CSMD3: variants seen among roughly 807,000 people sequenced by gnomAD.
CSMD3 encodes the protein CUB and sushi domain-containing protein 3.
CSMD3 carries 177 observed loss-of-function variants against 435.2 expected under a neutral mutation model. The observed-to-expected ratio is 0.41, with a 90% CI of 0.36 to 0.46. The LOEUF (loss-of-function observed/expected upper bound fraction) is 0.46, where lower values mean the gene tolerates loss of function less well. Among genes scored for constraint, CSMD3 ranks in the 20% least tolerant of loss-of-function variants. CSMD3 has a pLI of 0.34. For missense variants in CSMD3, 4,265 were observed against 4,504.6 expected, an observed-to-expected ratio of 0.95 and a Z score of 1.52; for synonymous variants, 1,656 against 1,520.5, an observed-to-expected ratio of 1.09 and a Z score of -2.07.
chr8:112,634,174 A>C (rs527540052), intron 22 of CSMD3, among the ~76,000 whole-genome samples: 10 of 152,128 alleles, frequency 6.6e-5, no homozygotes, highest in Admixed American at 5.3e-4. Context: ...ACATTCCTAA[A>C]AGTGGACATC....
intron 5 of CSMD3, among the ~76,000 whole-genome samples, chr8:113,085,899 T>C (rs2089749390): frequency 6.6e-6 from 1 of 152,116 alleles, no homozygotes; most frequent in Non-Finnish European, 1.5e-5. Flanking sequence ...ATTCATTGTG[T>C]CTGTTCAAAA....
At chr8:113,432,025 T>A (rs1259851647) in intron 1 of CSMD3, among the ~76,000 whole-genome samples, 1 of 152,220 alleles carries the variant, frequency 6.6e-6, no homozygotes, top group Non-Finnish European at 1.5e-5. Context: ...GTAATTCTAC[T>A]CTTTTTCTCC....
At chr8:113,236,361 C>G (rs777772227) in intron 3 of CSMD3, among the ~76,000 whole-genome samples, 2 of 152,192 alleles carry the variant, frequency 1.3e-5, no homozygotes, top group African/African-American at 2.4e-5. Flanking sequence ...CAGTAAACTT[C>G]TTTGCTTACT....
intron 3 of CSMD3, among the ~76,000 whole-genome samples, chr8:113,201,933 T>C (rs969108406): frequency 6.6e-6 from 1 of 152,088 alleles, no homozygotes; most frequent in African/African-American, 2.4e-5. Flanking sequence ...ATAGATGTTT[T>C]GGTATTACAC....
intron 38 of CSMD3, among the ~76,000 whole-genome samples, chr8:112,370,082 A>ACGAAGAAGT (rs1828230176): frequency 9.7e-6 from 1 of 103,454 alleles, no homozygotes; most frequent in African/African-American, 3.7e-5. Context: ...GAAGAAGAAG[A>ACGAAGAAGT]AGTAGTAGTA....
chr8:113,361,524 TA>T (rs1164165609), intron 1 of CSMD3, among the ~76,000 whole-genome samples: 1 of 152,140 alleles, frequency 6.6e-6, no homozygotes, highest in Non-Finnish European at 1.5e-5. Flanking sequence ...ATTTGACATA[TA>T]AAACTCACTT....
At chr8:112,375,340 G>A (rs1041499937) in intron 38 of CSMD3, among the ~76,000 whole-genome samples, 1 of 151,996 alleles carries the variant, frequency 6.6e-6, no homozygotes, top group Non-Finnish European at 1.5e-5. Flanking sequence ...CTTCACATAG[G>A]CACTCAACAT....
intron 13 of CSMD3, among the ~76,000 whole-genome samples, chr8:112,713,832 T>G (rs949447336): frequency 6.6e-6 from 1 of 152,042 alleles, no homozygotes; most frequent in African/African-American, 2.4e-5. Context: ...CTAAGCTTCA[T>G]AAGGGAAGGA....
intron 27 of CSMD3, among the ~76,000 whole-genome samples, chr8:112,526,018 C>G (rs1294911301): frequency 1.3e-5 from 2 of 149,182 alleles, no homozygotes; most frequent in Admixed American, 6.7e-5. Flanking sequence ...AACTTTCATT[C>G]TTCTAAAGAA....
At chr8:113,298,840 G>A (rs2093741587) in intron 2 of CSMD3, among the ~76,000 whole-genome samples, 1 of 152,096 alleles carries the variant, frequency 6.6e-6, no homozygotes, top group African/African-American at 2.4e-5. Context: ...GAACAGGAAG[G>A]TAAGAAGGAG....
chr8:112,366,149 T>C (rs1003169516), intron 38 of CSMD3, among the ~76,000 whole-genome samples: 1 of 152,156 alleles, frequency 6.6e-6, no homozygotes, highest in Admixed American at 6.5e-5. Context: ...AAAAACAGAC[T>C]GGTCAAGAGC....
At chr8:112,253,905 T>G (rs181140373) in intron 63 of CSMD3, among the ~76,000 whole-genome samples, 1 of 152,002 alleles carries the variant, frequency 6.6e-6, no homozygotes, top group African/African-American at 2.4e-5. Flanking sequence ...TTATCTTTAC[T>G]TTTCTTCACT....
intron 22 of CSMD3, among the ~76,000 whole-genome samples, chr8:112,601,254 T>G (rs1401726609): frequency 6.6e-6 from 1 of 152,140 alleles, no homozygotes; most frequent in Non-Finnish European, 1.5e-5. Context: ...AGTTGTGAAG[T>G]GCTTACTATT....
At chr8:112,306,482 A>G (rs563217499) in intron 50 of CSMD3, among the ~76,000 whole-genome samples, 1 of 152,280 alleles carries the variant, frequency 6.6e-6, no homozygotes, top group South Asian at 2.1e-4. Flanking sequence ...CAGCATTTGT[A>G]TGGATTATAT....
At chr8:112,410,046 A>G (rs1407717527) in intron 32 of CSMD3, among the ~76,000 whole-genome samples, 1 of 151,930 alleles carries the variant, frequency 6.6e-6, no homozygotes, top group Middle Eastern at 3.2e-3. Context: ...TGCTGATTCA[A>G]ATTGTATACC....
At chr8:112,945,542 A>G (rs1376828097) in intron 9 of CSMD3, among the ~76,000 whole-genome samples, 2 of 150,738 alleles carry the variant, frequency 1.3e-5, no homozygotes, top group Non-Finnish European at 3.0e-5. Flanking sequence ...TTACCCTAAA[A>G]GTGTGTAGGT....
chr8:112,273,277 A>G (rs570476160), intron 59 of CSMD3, among the ~76,000 whole-genome samples: 1 of 134,192 alleles, frequency 7.5e-6, no homozygotes, highest in Non-Finnish European at 1.6e-5. Context: ...ATTGTTATTC[A>G]TTGTAAAAAA....
At chr8:112,752,441 C>A (rs530363135) in intron 13 of CSMD3, among the ~76,000 whole-genome samples, 1 of 152,222 alleles carries the variant, frequency 6.6e-6, no homozygotes, top group South Asian at 2.1e-4. Context: ...CTCATGTATC[C>A]AACTGATCAG....
At chr8:112,922,514 C>T (rs1325604246) in intron 9 of CSMD3, among the ~76,000 whole-genome samples, 2 of 151,754 alleles carry the variant, frequency 1.3e-5, no homozygotes, top group African/African-American at 2.4e-5. Flanking sequence ...CCCTCCTAGC[C>T]GCCCCCACAT....
Sources: gnomAD v4.1 joint callset for allele counts (sites outside exome capture counted in the v4.1 genomes callset) on GRCh38, gnomAD v4.1.1 for gene constraint, MANE v1.5 for transcripts, NCBI Gene and HGNC (gene_info 2026-07-23, HGNC 2026-07-21) for gene names.